SIPA1L3: variants seen among roughly 807,000 people sequenced by gnomAD.
The protein encoded by SIPA1L3 is signal induced proliferation associated 1 like 3.
Under a neutral mutation model 150.1 loss-of-function variants are expected in SIPA1L3, and 59 were observed. The ratio of observed to expected loss-of-function variants is 0.39; its 90% CI spans 0.32 to 0.49. SIPA1L3 has a LOEUF of 0.49. Ranked by LOEUF, SIPA1L3 falls within the 20% of genes least tolerant of loss-of-function variation. The probability of loss-of-function intolerance (pLI) is 0.86; values close to 1 mark genes in which losing one functional copy is unlikely to be tolerated. For synonymous variants in SIPA1L3, 1,070 were observed against 1,077.6 expected, an observed-to-expected ratio of 0.99 and a Z score of 0.14; for missense variants, 2,211 against 2,489.5, an observed-to-expected ratio of 0.89 and a Z score of 2.38.
chr19:37,981,797 C>A (rs1239967014), intron 1 of SIPA1L3, among the ~76,000 whole-genome samples: 1 of 152,072 alleles, frequency 6.6e-6, no homozygotes, highest in Non-Finnish European at 1.5e-5. Context: ...GGAAAGGAGG[C>A]CCTGGAAGAG....
At chr19:38,008,986 T>C (rs1968034145) in intron 1 of SIPA1L3, among the ~76,000 whole-genome samples, 1 of 152,096 alleles carries the variant, frequency 6.6e-6, no homozygotes, top group South Asian at 2.1e-4. Flanking sequence ...CTGGGGTCCA[T>C]CTCTCCTTCT....
At chr19:37,973,235 CTTTT>C (rs34272056) in intron 1 of SIPA1L3, among the ~76,000 whole-genome samples, 4 of 119,984 alleles carry the variant, frequency 3.3e-5, no homozygotes, top group Admixed American at 1.8e-4. Flanking sequence ...AAAAGCGCAT[CTTTT>C]TTTTTTTTTT....
intron 1 of SIPA1L3, among the ~76,000 whole-genome samples, chr19:37,979,013 C>G (rs2145610018): frequency 6.6e-6 from 1 of 152,062 alleles, no homozygotes; most frequent in South Asian, 2.1e-4. Context: ...CTTCCACACC[C>G]AAACCCTTCA....
Position 38,162,314 on chromosome 19 carries a change from C to G in SIPA1L3, c.3723C>G (p.Asn1241Lys), listed in dbSNP as rs1241809686. ...RLSAIAGSSG[N>K]KHPSRQDAAG... Reference sequence around the variant, plus strand: ...CAGCCATAGCCGGAAGCAGCGGGAACAAGCACCCGTCCAGGCAGGATGCAG... The same window carrying G: ...CAGCCATAGCCGGAAGCAGCGGGAAGAAGCACCCGTCCAGGCAGGATGCAG... Residue 1241 changes from asparagine to lysine, a missense_variant, in exon 14 of 22, where the codon AAC becomes AAG. Physicochemically the swap from Asn to Lys is moderately conservative, Grantham distance 94. Around this residue, in one of 5 missense-constraint regions of SIPA1L3, gnomAD observed 806 missense variants for 870.1 expected, o/e 0.93. Coordinates refer to ENST00000222345, the MANE Select transcript of SIPA1L3 (RefSeq NM_015073.3). 1 of 1,614,278 alleles carries G rather than the reference C, an allele frequency of 6.2e-7. No individual in the cohort carries two copies. The highest frequency in any genetic ancestry group is 1.7e-5 in the Admixed American group (1 of 60,032).
chr19:38,199,613 A>C (rs8105175), intron 19 of SIPA1L3, among the ~76,000 whole-genome samples: 56 of 151,786 alleles, frequency 3.7e-4, no homozygotes, highest in Non-Finnish European at 2.7e-4. Flanking sequence ...TACGGGGGAG[A>C]GGGGGGAGTA....
intron 12 of SIPA1L3, among the ~76,000 whole-genome samples, chr19:38,144,082 C>G (rs958446945): frequency 2.0e-5 from 3 of 152,200 alleles, no homozygotes; most frequent in African/African-American, 7.2e-5. Flanking sequence ...CCACACTCCC[C>G]CCATCCTACC....
intron 1 of SIPA1L3, among the ~76,000 whole-genome samples, chr19:38,000,900 A>ATATATATGTATGT (rs1555775638): frequency 1.5e-5 from 2 of 131,410 alleles, no homozygotes; most frequent in Non-Finnish European, 3.1e-5. Flanking sequence ...TATGTTATAT[A>ATATATATGTATGT]TATATATATA....
chr19:38,081,806 G>A lies in SIPA1L3; in HGVS notation c.241G>A (p.Ala81Thr), dbSNP rs1309079792. Residue 81 changes from alanine (A) to threonine (T), a missense_variant, in exon 3 of 22, where the codon GCA becomes ACA. Around this residue, in one of 5 missense-constraint regions of SIPA1L3, gnomAD observed 130 missense variants for 174.5 expected, o/e 0.74. Transcript: ENST00000222345. The part of the protein sequence containing the change: ...TPAMPKMGVR[A>T]RVADWPPKRE... ...CGCAATGCCCAAGATGGGCGTGCGC[G>A]CAAGGGTGGCCGACTGGCCGCCCAA... 10 of 1,613,032 alleles carry A rather than the reference G, an allele frequency of 6.2e-6. No homozygotes were observed. The highest frequency in any genetic ancestry group is 3.3e-5 in the Admixed American group (2 of 59,982).
rs1436285969 is a variant in SIPA1L3, at chr19:38,082,508, G to GC, written c.943_944insC (p.Gly315AlafsTer104). On this transcript the variant is annotated frameshift_variant, in exon 3 of 22. Coordinates refer to ENST00000222345, the MANE Select transcript of SIPA1L3 (RefSeq NM_015073.3). LOFTEE classifies it high-confidence loss of function. Reference sequence around the variant, plus strand: ...GAGCAGCAAACCCGAGGGGGAGGCTGGGCGTTCCCCGGGGGAGGCCGACGA... The same window carrying GC: ...GAGCAGCAAACCCGAGGGGGAGGCTGCGGCGTTCCCCGGGGGAGGCCGACGA... The GC allele has an allele frequency of 1.9e-6, 3 of 1,596,526 alleles. No individual in the cohort carries two copies. Among genetic ancestry groups the GC allele is most frequent in the Non-Finnish European group, 1.7e-6 (2 of 1,170,966 alleles).
chr19:37,938,998 A>G (rs1203813227), intron 1 of SIPA1L3, among the ~76,000 whole-genome samples: 2 of 152,082 alleles, frequency 1.3e-5, no homozygotes, highest in African/African-American at 4.8e-5. Context: ...GTGGCAGCCT[A>G]TTTAACCTAA....
intron 16 of SIPA1L3, among the ~76,000 whole-genome samples, chr19:38,186,603 C>G (rs939574394): frequency 6.6e-6 from 1 of 151,718 alleles, no homozygotes; most frequent in Non-Finnish European, 1.5e-5. Flanking sequence ...ATCCGCCCCC[C>G]CTTGGCCTCC....
chr19:38,065,585 T>G (rs1307549854), intron 2 of SIPA1L3, among the ~76,000 whole-genome samples: 1 of 124,264 alleles, frequency 8.0e-6, no homozygotes, highest in Non-Finnish European at 2.0e-5. Context: ...CCTAGCTAAT[T>G]TTTTTTTTGT....
intron 4 of SIPA1L3, among the ~76,000 whole-genome samples, chr19:38,091,693 G>A (rs986021621): frequency 2.6e-5 from 4 of 152,292 alleles, no homozygotes; most frequent in African/African-American, 9.6e-5. Flanking sequence ...AGCTTAGACT[G>A]CACACTGGAC....
chr19:38,163,215 C>T (rs967113833), intron 14 of SIPA1L3, among the ~76,000 whole-genome samples: 10 of 152,116 alleles, frequency 6.6e-5, no homozygotes, highest in African/African-American at 1.4e-4. Flanking sequence ...GCGGGCTGGG[C>T]GCGGTGGCTC....
rs1973258872 is a variant in SIPA1L3 at position 38,207,910 on chromosome 19, G to T, written c.*1670G>T. On this transcript the variant is annotated 3_prime_UTR_variant, in exon 22 of 22. Transcript: ENST00000222345. ...ACCCCCAACACCAAGAGTGAGGTGG[G>T]CGTGCCCCAGGCAGCGTCCTCAGCC... 6.6e-6 allele frequency: 1 copy of T among 152,506 alleles called. No individual in the cohort carries two copies. The highest frequency in any genetic ancestry group is 2.4e-5 in the African/African-American group (1 of 41,382). The allele number at this position is 152,506 out of a possible 1,614,324, so 9.4% of individuals were successfully genotyped here.
At chr19:38,192,506 G>A (rs559670431) in intron 17 of SIPA1L3, among the ~76,000 whole-genome samples, 196 bp downstream of exon 17, 112 of 152,326 alleles carry the variant, frequency 7.4e-4, no homozygotes, top group Middle Eastern at 3.4e-3. Flanking sequence ...ATTGGTCTGG[G>A]ATGGAATCAC....
At chr19:38,110,514 C>A in intron 8 of SIPA1L3, 130 bp downstream of exon 8, 1 of 632,752 alleles carries the variant, frequency 1.6e-6, no homozygotes, top group Non-Finnish European at 2.6e-6. Flanking sequence ...GCGTATACTC[C>A]CCACACCATC....
In SIPA1L3 at chr19:38,135,520, C is replaced by T. The variant is rs138368156; in HGVS notation, c.3143+4748C>T. Among the ~76,000 whole-genome samples, 421 of 152,290 alleles carry T rather than the reference C, an allele frequency of 2.8e-3. 3 individuals are homozygous for T. Among genetic ancestry groups the T allele is most frequent in the African/African-American group, 9.1e-3 (378 of 41,558 alleles). On this transcript the variant is annotated intron_variant, in intron 10 of 21. Transcript: ENST00000222345. ...CTCCACACACTCCCACGGGTGCACA[C>T]GATAAGCCAGCTTGCGCATCGCATG...
chr19:38,203,236 G>A (rs1973128390), intron 20 of SIPA1L3, among the ~76,000 whole-genome samples: 1 of 152,228 alleles, frequency 6.6e-6, no homozygotes, highest in Admixed American at 6.5e-5. Flanking sequence ...AGCAGCATGG[G>A]CTGTGGGAAG....
Sources: allele counts gnomAD v4.1 joint callset (sites outside exome capture counted in the v4.1 genomes callset), GRCh38; gene constraint gnomAD v4.1.1; regional missense constraint gnomAD v4.1.1; transcripts MANE v1.5; gene names NCBI Gene and HGNC (gene_info 2026-07-23, HGNC 2026-07-21).